Variants in ALDH3A1 observed in about 807,000 individuals in gnomAD.
ALDH3A1 encodes aldehyde dehydrogenase 3 family member A1.
In ALDH3A1, 46 loss-of-function variants were observed where a neutral mutation model predicts 49.9. The ratio of observed to expected loss-of-function variants is 0.92; its 90% CI spans 0.73 to 1.18. The LOEUF (loss-of-function observed/expected upper bound fraction) is 1.18. ALDH3A1 is among the 50% of genes most tolerant of loss of function. The probability of loss-of-function intolerance (pLI) is 0.00; values close to 1 mark genes in which losing one functional copy is unlikely to be tolerated. For missense variants in ALDH3A1, 592 were observed against 611.8 expected (o/e 0.97, Z 0.34); for synonymous variants, 269 against 253.3 (o/e 1.06, Z -0.59).
intron 5 of ALDH3A1, 102 bp downstream of exon 5, chr17:19,741,902 G>T (rs1201420122): frequency 2.6e-6 from 3 of 1,143,376 alleles, no homozygotes; most frequent in East Asian, 2.5e-5. Context: ...GAGGCAGGGG[G>T]TGTCTGTGTT....
chr17:19,744,899 C>CG, intron 2 of ALDH3A1, 69 bp downstream of exon 2: 3 of 806,890 alleles, frequency 3.7e-6, no homozygotes, highest in East Asian at 8.1e-5. Flanking sequence ...GCACTCTCCC[C>CG]AGCCCCTCCC....
intron 3 of ALDH3A1, 112 bp from the exon 4 acceptor site, chr17:19,742,742 A>G: frequency 6.4e-7 from 1 of 1,571,504 alleles, no homozygotes; most frequent in Non-Finnish European, 8.6e-7. Flanking sequence ...GGGACAGTGG[A>G]TGGAAGAGTT....
Position 19,744,996 on chromosome 17 carries a change from AC to A in ALDH3A1, c.133del (p.Val45TrpfsTer24). 7.1e-7 allele frequency: 1 copy of A among 1,410,376 alleles called. No homozygotes were observed. Among genetic ancestry groups the A allele is most frequent in the South Asian group, 1.1e-5 (1 of 87,292 alleles). 87.4% of individuals were successfully genotyped at this position (1,410,376 alleles called of 1,614,324 possible). Reference sequence around the variant, plus strand: ...GTGCAGGTCTGCGGCCAGCGCGCCCACCAGCTCCTGCTCCTGCTCCTGGATC... The same window carrying A: ...GTGCAGGTCTGCGGCCAGCGCGCCCACAGCTCCTGCTCCTGCTCCTGGATC... Reference protein sequence around the residue: ...RLIQEQEQELVGALAADLHKN... With the variant: ...RLIQEQEQELXGALAADLHKN... On this transcript the variant is annotated frameshift_variant, in exon 2 of 11. Transcript: ENST00000225740. LOFTEE classifies it high-confidence loss of function.
chr17:19,738,845 T>G (rs1308771474), intron 9 of ALDH3A1, 151 bp downstream of exon 9: 4 of 673,634 alleles, frequency 5.9e-6, no homozygotes, highest in Non-Finnish European at 1.0e-5. Flanking sequence ...GTGTGTCTGA[T>G]GGATGGCACG....
chr17:19,746,683 G>A (rs2086603437), intron 1 of ALDH3A1, among the ~76,000 whole-genome samples: 1 of 147,230 alleles, frequency 6.8e-6, no homozygotes, highest in Non-Finnish European at 1.5e-5. Context: ...GTGTGCATGT[G>A]CGTGTGTGTG....
At position 19,739,501 on chromosome 17, in the gene ALDH3A1, C is replaced by T. The variant is rs1158637026; in HGVS notation, c.1116+7G>A. ...CTGGCAGAGGGCACCCCAGGCCCAC[C>T]ACCCACCTTGTCGTTGCTGGAGAAC... On this transcript the variant is annotated splice_region_variant and intron_variant, in intron 8 of 10. Coordinates refer to ENST00000225740, the MANE Select transcript of ALDH3A1 (RefSeq NM_000691.5). 2 of 1,605,476 alleles carry T rather than the reference C, an allele frequency of 1.2e-6. No individual in the cohort carries two copies.
Position 19,744,902 on chromosome 17 carries a change from C to CA in ALDH3A1, c.162+65_162+66insT, listed in dbSNP as rs1211578399. On this transcript the variant is annotated intron_variant, in intron 2 of 10. Transcript: ENST00000225740. ...CCTCTCTGGGTCGCACTCTCCCCAG[C>CA]CCCTCCCCCCACGCCCCATCGCATG... The CA allele has an allele frequency of 3.6e-5, 15 of 411,994 alleles. 1 individual carries two copies. Among genetic ancestry groups the CA allele is most frequent in the South Asian group, 2.4e-4 (7 of 28,596 alleles). The allele number at this position is 411,994 out of a possible 1,614,324, so 25.5% of individuals were successfully genotyped here.
intron 8 of ALDH3A1, among the ~76,000 whole-genome samples, 180 bp downstream of exon 8, chr17:19,739,328 C>T (rs937703850): frequency 2.0e-5 from 3 of 152,252 alleles, no homozygotes; most frequent in African/African-American, 7.2e-5. Context: ...GCAAGGATCG[C>T]TCATTCAGTG....
At chr17:19,746,895 G>C (rs2086608783) in intron 1 of ALDH3A1, among the ~76,000 whole-genome samples, 1 of 152,056 alleles carries the variant, frequency 6.6e-6, no homozygotes, top group Non-Finnish European at 1.5e-5. Flanking sequence ...TTTAAATTTT[G>C]GTGCGTTTTA....
intron 1 of ALDH3A1, among the ~76,000 whole-genome samples, chr17:19,746,611 ATGTG>A (rs58134999): frequency 1.3e-5 from 2 of 150,424 alleles, no homozygotes; most frequent in Non-Finnish European, 3.0e-5. Context: ...AGGCGTGTGC[ATGTG>A]TGTGTGTGCG....
rs4646786 is a variant in ALDH3A1, at chr17:19,748,298, C to T, written c.-45G>A. ...CTCCCGGTAACTGGGGCTCCTGGAA[C>T]GGCAAGAGCCAAGAGGGGACGTATT... On this transcript the variant is annotated 5_prime_UTR_variant, in exon 1 of 11. Coordinates refer to ENST00000225740, the MANE Select transcript of ALDH3A1 (RefSeq NM_000691.5). The surrounding 1 kb of genome is among the most constrained non-coding windows in gnomAD (Gnocchi z 4.4). The T allele has an allele frequency of 0.017, 8,967 of 515,444 alleles. 250 individuals carry two copies. Among genetic ancestry groups the T allele is most frequent in the East Asian group, 0.13 (2,453 of 18,224 alleles). The allele number at this position is 515,444 out of a possible 1,614,324, so 31.9% of individuals were successfully genotyped here.
chr17:19,744,900 A>AT, intron 2 of ALDH3A1, 68 bp downstream of exon 2: 1 of 270,616 alleles, frequency 3.7e-6, no homozygotes, highest in Non-Finnish European at 5.3e-6. Flanking sequence ...CACTCTCCCC[A>AT]GCCCCTCCCC....
intron 1 of ALDH3A1, among the ~76,000 whole-genome samples, chr17:19,747,182 C>T (rs1434366284): frequency 6.6e-6 from 1 of 152,106 alleles, no homozygotes; most frequent in African/African-American, 2.4e-5. Context: ...ATATATGGTC[C>T]TGCCTACATT....
In ALDH3A1 at chr17:19,748,298, C is replaced by G. The variant is rs4646786; in HGVS notation, c.-45G>C. 2 of 515,452 alleles carry G rather than the reference C, an allele frequency of 3.9e-6. No homozygotes were observed. Among genetic ancestry groups the G allele is most frequent in the Non-Finnish European group, 7.8e-6 (2 of 257,972 alleles). 31.9% of individuals were successfully genotyped at this position (515,452 alleles called of 1,614,324 possible). The stretch of plus-strand genomic sequence containing the variant: ...CTCCCGGTAACTGGGGCTCCTGGAA[C>G]GGCAAGAGCCAAGAGGGGACGTATT... On this transcript the variant is annotated 5_prime_UTR_variant, in exon 1 of 11. Coordinates refer to ENST00000225740, the MANE Select transcript of ALDH3A1 (RefSeq NM_000691.5). The surrounding 1 kb of genome is among the most constrained non-coding windows in gnomAD (Gnocchi z 4.4).
At position 19,743,354 on chromosome 17, in the gene ALDH3A1, G is replaced by C. The variant is rs952720843; in HGVS notation, c.272C>G (p.Pro91Arg). The C allele has an allele frequency of 6.2e-7, 1 of 1,613,916 alleles. No individual in the cohort carries two copies. The highest frequency in any genetic ancestry group is 1.1e-5 in the South Asian group (1 of 91,080). Residue 91 changes from proline to arginine, a missense_variant, in exon 3 of 11, where the codon CCC becomes CGC. Coordinates refer to ENST00000225740, the MANE Select transcript of ALDH3A1 (RefSeq NM_000691.5). This position sits in a 1 kb window ranked among gnomAD's most constrained non-coding sequence, Gnocchi z 4.4. Reference sequence around the variant, plus strand: ...GTAGAGCTCGTCCTGCTGAGTCTGGGGCGTCTTCTCCACGGGCTCATCCGC... The same window carrying C: ...GTAGAGCTCGTCCTGCTGAGTCTGGCGCGTCTTCTCCACGGGCTCATCCGC... ...WAADEPVEKT[P>R]QTQQDELYIH...
Position 19,738,348 on chromosome 17 carries a change from A to G in ALDH3A1, c.1322T>C (p.Val441Ala). 1 of 1,613,438 alleles carries G rather than the reference A, an allele frequency of 6.2e-7. No homozygotes were observed. Among genetic ancestry groups the G allele is most frequent in the Admixed American group, 1.7e-5 (1 of 60,006 alleles). ...RPLMNDEGLK[V>A]RYPPSPAKMT... Reference sequence around the variant, plus strand: ...CTTGGCCGGGCTCGGGGGGTATCTGACCTTCAGGCCTTCATCATTCATCAG... The same window carrying G: ...CTTGGCCGGGCTCGGGGGGTATCTGGCCTTCAGGCCTTCATCATTCATCAG... Residue 441 changes from valine (V) to alanine (A), a missense_variant, in exon 10 of 11, where the codon GTC (valine) becomes GCC (alanine). Coordinates refer to ENST00000225740, the MANE Select transcript of ALDH3A1 (RefSeq NM_000691.5).
At position 19,739,097 on chromosome 17, in the gene ALDH3A1, T is replaced by A; in HGVS notation, c.1117-2A>T. Reference sequence around the variant, plus strand: ...CTCTGCAATCATCTTCTTAATCACCTGCACCAGGACCCAGCCACTGGCCTC... The same window carrying A: ...CTCTGCAATCATCTTCTTAATCACCAGCACCAGGACCCAGCCACTGGCCTC... On this transcript the variant is annotated splice_acceptor_variant, in intron 8 of 10. Transcript: ENST00000225740. LOFTEE classifies it high-confidence loss of function. The A allele has an allele frequency of 6.2e-7, 1 of 1,612,170 alleles. No homozygotes were observed.
At chr17:19,744,085 C>T (rs2086554227) in intron 2 of ALDH3A1, 1 of 985,206 alleles carries the variant, frequency 1.0e-6, no homozygotes, top group Admixed American at 6.2e-5. Flanking sequence ...GATGAGAAGT[C>T]CTGAGCCATT....
chr17:19,744,665 G>A, intron 2 of ALDH3A1: 10 of 985,400 alleles, frequency 1.0e-5, no homozygotes, highest in Non-Finnish European at 1.2e-5. Flanking sequence ...TCCTGCGTGG[G>A]GCTGAGGAAT....
Sources: gnomAD v4.1 joint callset for allele counts (sites outside exome capture counted in the v4.1 genomes callset) on GRCh38, gnomAD v4.1.1 for gene constraint, Gnocchi (gnomAD v3.1) non-coding constraint, MANE v1.5 for transcripts, NCBI Gene and HGNC (gene_info 2026-07-23, HGNC 2026-07-21) for gene names.